The following GALNT17 variants were observed in gnomAD, a reference collection of about 807,000 sequenced individuals.
GALNT17 encodes the protein polypeptide N-acetylgalactosaminyltransferase 17, also known as UDP-GalNAc:polypeptide N-acetylgalactosaminyltransferase-like 3.
In GALNT17, 29 loss-of-function variants were observed where a neutral mutation model predicts 63.7. The observed-to-expected ratio is 0.46, with a 90% CI of 0.34 to 0.62. The LOEUF (loss-of-function observed/expected upper bound fraction) is 0.62. GALNT17 is among the 20% of genes least tolerant of loss of function. The pLI, the probability that GALNT17 is intolerant of heterozygous loss-of-function variation, is 0.01. For missense variants in GALNT17, 603 were observed against 799.6 expected (o/e 0.75, Z 2.97); for synonymous variants, 305 against 318.3 (o/e 0.96, Z 0.45).
At chr7:71,577,631 C>T (rs1232799929) in intron 6 of GALNT17, among the ~76,000 whole-genome samples, 2 of 152,152 alleles carry the variant, frequency 1.3e-5, no homozygotes, top group Non-Finnish European at 2.9e-5. Context: ...GCGATTCAGA[C>T]TCTGAGTCCG....
chr7:71,135,105 G>A (rs1787758753), intron 1 of GALNT17, among the ~76,000 whole-genome samples: 1 of 152,040 alleles, frequency 6.6e-6, no homozygotes, highest in Non-Finnish European at 1.5e-5. Flanking sequence ...TCCTGCCTGG[G>A]CCTCCCAAAG....
At chr7:71,227,603 G>C (rs556870537) in intron 1 of GALNT17, among the ~76,000 whole-genome samples, 1 of 152,066 alleles carries the variant, frequency 6.6e-6, no homozygotes, top group Non-Finnish European at 1.5e-5. Flanking sequence ...CCCCTTGCTA[G>C]ATGGCTTAAT....
intron 3 of GALNT17, among the ~76,000 whole-genome samples, chr7:71,408,997 C>T (rs1208030913): frequency 1.4e-5 from 2 of 142,868 alleles, no homozygotes; most frequent in Non-Finnish European, 3.0e-5. Flanking sequence ...TACACACATA[C>T]ATATATATGC....
chr7:71,601,942 G>A lies in GALNT17; in HGVS notation c.1080+30540G>A, dbSNP rs567416965. ...TGACTTTCTCCTGGTGCCTTTGTGC[G>A]GATCTTCCCTCTCCTCTGGCTGCAC... On this transcript the variant is annotated intron_variant, in intron 6 of 10. Coordinates refer to ENST00000333538, the MANE Select transcript of GALNT17 (RefSeq NM_022479.3). 1.9e-3 allele frequency among the ~76,000 whole-genome samples: 285 copies of A among 152,212 alleles called. 1 individual carries two copies. Among genetic ancestry groups the A allele is most frequent in the African/African-American group, 6.5e-3 (268 of 41,520 alleles).
chr7:71,143,520 G>A (rs549412915), intron 1 of GALNT17, among the ~76,000 whole-genome samples: 1 of 152,232 alleles, frequency 6.6e-6, no homozygotes, highest in East Asian at 1.9e-4. Flanking sequence ...GCAGAAGAGT[G>A]TGTGGGGACA....
At chr7:71,621,211 C>CT (rs79529331) in intron 6 of GALNT17, among the ~76,000 whole-genome samples, 35 of 149,080 alleles carry the variant, frequency 2.3e-4, no homozygotes, top group African/African-American at 6.1e-4. Flanking sequence ...TTCTGAGCGC[C>CT]TTTTTTTTTT....
chr7:71,360,525 T>C (rs1792378426), intron 2 of GALNT17, among the ~76,000 whole-genome samples: 1 of 152,242 alleles, frequency 6.6e-6, no homozygotes, highest in African/African-American at 2.4e-5. Flanking sequence ...CTGATCTATA[T>C]ATAATTACAG....
intron 2 of GALNT17, among the ~76,000 whole-genome samples, chr7:71,355,971 G>A (rs1175845137): frequency 2.6e-5 from 4 of 151,850 alleles, no homozygotes; most frequent in Non-Finnish European, 5.9e-5. Flanking sequence ...TTGTATATAC[G>A]GAGTCTGCTT....
intron 1 of GALNT17, among the ~76,000 whole-genome samples, chr7:71,199,756 CTCCA>C (rs1789132556): frequency 6.6e-6 from 1 of 150,952 alleles, no homozygotes; most frequent in African/African-American, 2.4e-5. Flanking sequence ...CATTAGCTCA[CTCCA>C]TCCATCCATC....
intron 1 of GALNT17, among the ~76,000 whole-genome samples, chr7:71,214,900 C>A (rs1043417512): frequency 6.6e-5 from 10 of 152,138 alleles, no homozygotes; most frequent in Non-Finnish European, 1.3e-4. Flanking sequence ...TTCACAGACA[C>A]CCTTCAATAT....
At chr7:71,309,229 A>G (rs1372014088) in intron 1 of GALNT17, among the ~76,000 whole-genome samples, 1 of 151,832 alleles carries the variant, frequency 6.6e-6, no homozygotes, top group African/African-American at 2.4e-5. Context: ...TTCCTACTCA[A>G]AACCTTTCTT....
At chr7:71,332,199 T>C (rs1043937046) in intron 1 of GALNT17, among the ~76,000 whole-genome samples, 7 of 152,174 alleles carry the variant, frequency 4.6e-5, no homozygotes, top group Non-Finnish European at 1.5e-5. Context: ...GACAAACATA[T>C]GTGTAGTCTC....
At chr7:71,420,444 G>A (rs531617982) in intron 4 of GALNT17, among the ~76,000 whole-genome samples, 1 of 152,280 alleles carries the variant, frequency 6.6e-6, no homozygotes, top group African/African-American at 2.4e-5. Flanking sequence ...GGCCATCCGG[G>A]CAGAAGTGAC....
intron 5 of GALNT17, among the ~76,000 whole-genome samples, chr7:71,461,498 G>A (rs1382032251): frequency 6.6e-6 from 1 of 152,168 alleles, no homozygotes; most frequent in Non-Finnish European, 1.5e-5. Context: ...TGGAAGCAGA[G>A]GATAGCACTC....
In GALNT17 at chr7:71,185,275, G is replaced by A. The variant is rs1045866239; in HGVS notation, c.238+52235G>A. Among the ~76,000 whole-genome samples the A allele has an allele frequency of 4.7e-5, 7 of 150,070 alleles. No individual in the cohort carries two copies. The South Asian group carries it at 1.3e-3, about 28-fold the overall frequency. On this transcript the variant is annotated intron_variant, in intron 1 of 10. Transcript: ENST00000333538. ...GGCTGGAGTACAATGGTCTCATCACGGCTCACTGCAGCCTTGACTTCTCGG... is the reference window on the plus strand; with the variant it reads ...GGCTGGAGTACAATGGTCTCATCACAGCTCACTGCAGCCTTGACTTCTCGG...
At chr7:71,679,330 C>G (rs1193535714) in intron 9 of GALNT17, among the ~76,000 whole-genome samples, 1 of 152,038 alleles carries the variant, frequency 6.6e-6, no homozygotes, top group Non-Finnish European at 1.5e-5. Context: ...CCCAGGACTT[C>G]AAGGCTGCAG....
chr7:71,256,874 G>A (rs1263384578), intron 1 of GALNT17, among the ~76,000 whole-genome samples: 1 of 152,178 alleles, frequency 6.6e-6, no homozygotes, highest in Admixed American at 6.5e-5. Context: ...GCTGGCAGAG[G>A]TCCTGCCATC....
intron 5 of GALNT17, among the ~76,000 whole-genome samples, chr7:71,449,754 T>C (rs1787225103): frequency 6.6e-6 from 1 of 152,126 alleles, no homozygotes; most frequent in Non-Finnish European, 1.5e-5. Flanking sequence ...TATTAATCGA[T>C]TGTCTAACCG....
At chr7:71,406,572 C>T (rs191611401) in intron 3 of GALNT17, among the ~76,000 whole-genome samples, 6 of 152,150 alleles carry the variant, frequency 3.9e-5, no homozygotes, top group Admixed American at 2.6e-4. Context: ...TTTCTCCCCG[C>T]GCCACCATCT....
Sources: gnomAD v4.1 joint callset for allele counts (sites outside exome capture counted in the v4.1 genomes callset) on GRCh38, gnomAD v4.1.1 for gene constraint, MANE v1.5 for transcripts, NCBI Gene and HGNC (gene_info 2026-07-23, HGNC 2026-07-21) for gene names.